Variants in CLSTN2 observed in about 807,000 individuals in gnomAD.
The protein encoded by CLSTN2 is calsyntenin-2.
In CLSTN2, 48 loss-of-function variants were observed where a neutral mutation model predicts 101.2. The observed-to-expected ratio is 0.47, with a 90% CI of 0.38 to 0.60. The LOEUF (loss-of-function observed/expected upper bound fraction) is 0.60, where lower values mean the gene tolerates loss of function less well. Ranked by LOEUF, CLSTN2 falls within the 20% of genes least tolerant of loss-of-function variation. The pLI is 0.00. For synonymous variants in CLSTN2, 481 were observed against 463.6 expected, an observed-to-expected ratio of 1.04 and a Z score of -0.48; for missense variants, 1,160 against 1,238.2, an observed-to-expected ratio of 0.94 and a Z score of 0.95.
At chr3:140,547,515 C>A (rs748340043) in intron 10 of CLSTN2, among the ~76,000 whole-genome samples, 1 of 152,010 alleles carries the variant, frequency 6.6e-6, no homozygotes, top group South Asian at 2.1e-4. Flanking sequence ...AGAAAAAAAA[C>A]ATGAACAGTT....
chr3:140,246,023 G>A (rs776760235), intron 2 of CLSTN2, among the ~76,000 whole-genome samples: 2 of 152,182 alleles, frequency 1.3e-5, no homozygotes, highest in African/African-American at 2.4e-5. Flanking sequence ...TCAATAAACT[G>A]TGAATCTGCG....
chr3:140,322,956 C>T (rs1026313622), intron 2 of CLSTN2, among the ~76,000 whole-genome samples: 6 of 152,180 alleles, frequency 3.9e-5, no homozygotes, highest in Non-Finnish European at 8.8e-5. Flanking sequence ...GGTTGATTTT[C>T]TCTAATGATC....
rs576619743 is a variant in CLSTN2, at chr3:140,016,731, G to A, written c.109+81248G>A. Among the ~76,000 whole-genome samples, 47 of 142,784 alleles carry A rather than the reference G, an allele frequency of 3.3e-4. No individual in the cohort carries two copies. The South Asian group carries it at 0.01, about 31-fold the overall frequency. 93.7% of individuals were successfully genotyped at this position (142,784 alleles called of 152,430 possible). On this transcript the variant is annotated intron_variant, in intron 1 of 16. Transcript: ENST00000458420. Reference sequence around the variant, plus strand: ...GGAGAATCGCTTGAACCTCAGAGGCGCAGTTTGCAGTGAGCCGAGATCATA... The same window carrying A: ...GGAGAATCGCTTGAACCTCAGAGGCACAGTTTGCAGTGAGCCGAGATCATA...
At chr3:140,297,322 G>T (rs2087013793) in intron 2 of CLSTN2, among the ~76,000 whole-genome samples, 1 of 152,144 alleles carries the variant, frequency 6.6e-6, no homozygotes, top group Non-Finnish European at 1.5e-5. Flanking sequence ...CTTGGGAACA[G>T]GGGCAAAGGA....
chr3:140,399,986 G>A (rs1376122966), intron 2 of CLSTN2, among the ~76,000 whole-genome samples: 1 of 151,642 alleles, frequency 6.6e-6, no homozygotes, highest in Non-Finnish European at 1.5e-5. Context: ...AAAGCAATGA[G>A]TCGTCTGATC....
intron 1 of CLSTN2, among the ~76,000 whole-genome samples, chr3:140,114,528 G>T (rs560782343): frequency 1.3e-5 from 2 of 152,226 alleles, no homozygotes; most frequent in South Asian, 4.1e-4. Context: ...ATTTATGTTG[G>T]AAGAACAAAG....
chr3:140,378,339 G>A (rs916143906), intron 2 of CLSTN2, among the ~76,000 whole-genome samples: 3 of 152,212 alleles, frequency 2.0e-5, no homozygotes, highest in Non-Finnish European at 2.9e-5. Context: ...AAACTGCAAA[G>A]CCATCTGGCT....
intron 8 of CLSTN2, among the ~76,000 whole-genome samples, chr3:140,471,331 T>C (rs894253015): frequency 4.6e-5 from 7 of 152,198 alleles, no homozygotes; most frequent in Non-Finnish European, 1.0e-4. Context: ...GTATGGTGAC[T>C]GCAGGGAAAT....
intron 1 of CLSTN2, among the ~76,000 whole-genome samples, chr3:140,046,052 G>A (rs936115165): frequency 1.4e-4 from 22 of 152,170 alleles, no homozygotes; most frequent in East Asian, 3.9e-4. Flanking sequence ...GCAGAGCTGC[G>A]TTCAATTCCT....
intron 1 of CLSTN2, among the ~76,000 whole-genome samples, chr3:140,127,690 A>G (rs1477151975): frequency 2.0e-5 from 3 of 152,188 alleles, no homozygotes; most frequent in Non-Finnish European, 2.9e-5. Flanking sequence ...AGAGACAGCC[A>G]GGCTCATCTC....
intron 2 of CLSTN2, among the ~76,000 whole-genome samples, chr3:140,385,198 G>A (rs1488643804): frequency 1.3e-5 from 2 of 152,070 alleles, no homozygotes; most frequent in African/African-American, 4.8e-5. Flanking sequence ...GTGTTACTAA[G>A]GCAGAAGTAA....
intron 4 of CLSTN2, among the ~76,000 whole-genome samples, chr3:140,411,217 G>A (rs909422777): frequency 2.6e-5 from 4 of 152,156 alleles, no homozygotes; most frequent in African/African-American, 9.7e-5. Context: ...AATAATAAAA[G>A]TGAAGGTACG....
intron 1 of CLSTN2, among the ~76,000 whole-genome samples, chr3:139,968,756 T>C (rs901476961): frequency 1.2e-4 from 18 of 152,328 alleles, no homozygotes; most frequent in African/African-American, 4.3e-4. Context: ...GTAGAATATA[T>C]TGCTGCATAA....
intron 1 of CLSTN2, among the ~76,000 whole-genome samples, chr3:140,172,949 C>T (rs2010262464): frequency 6.6e-6 from 1 of 152,130 alleles, no homozygotes; most frequent in South Asian, 2.1e-4. Flanking sequence ...GGACATAGAG[C>T]CAAACCATAT....
intron 4 of CLSTN2, among the ~76,000 whole-genome samples, chr3:140,415,390 T>A (rs2088417570): frequency 6.9e-6 from 1 of 143,966 alleles, no homozygotes; most frequent in South Asian, 2.1e-4. Flanking sequence ...TTCAACAAAA[T>A]GCAGAGGCAA....
chr3:140,545,176 T>G (rs1454074556), intron 9 of CLSTN2, among the ~76,000 whole-genome samples: 2 of 151,566 alleles, frequency 1.3e-5, no homozygotes, highest in African/African-American at 4.9e-5. Context: ...CAAGCTGAGG[T>G]CTAGACTTTG....
intron 8 of CLSTN2, among the ~76,000 whole-genome samples, chr3:140,515,209 G>T (rs1215246252): frequency 7.3e-6 from 1 of 136,542 alleles, no homozygotes; most frequent in East Asian, 1.9e-4. Context: ...CTGTGGCATT[G>T]GTTGTAATAC....
chr3:140,074,768 T>C (rs2008457529), intron 1 of CLSTN2, among the ~76,000 whole-genome samples: 1 of 152,206 alleles, frequency 6.6e-6, no homozygotes, highest in South Asian at 2.1e-4. Context: ...GGGGAGATTA[T>C]GAGATGCAGT....
intron 12 of CLSTN2, among the ~76,000 whole-genome samples, chr3:140,559,243 C>T (rs558032694): frequency 3.3e-5 from 5 of 151,600 alleles, no homozygotes; most frequent in Admixed American, 1.3e-4. Context: ...AGAGGCATAA[C>T]GAGAGCCCGT....
Sources: gnomAD v4.1 joint callset for allele counts (sites outside exome capture counted in the v4.1 genomes callset) on GRCh38, gnomAD v4.1.1 for gene constraint, MANE v1.5 for transcripts, NCBI Gene and HGNC (gene_info 2026-07-23, HGNC 2026-07-21) for gene names.